KAZN: variants seen among roughly 807,000 people sequenced by gnomAD.
KAZN encodes kazrin.
KAZN carries 40 observed loss-of-function variants against 87.4 expected under a neutral mutation model. That is an observed-to-expected ratio of 0.46 (90% CI 0.36 to 0.60). The LOEUF (loss-of-function observed/expected upper bound fraction) is 0.60, where lower values mean the gene tolerates loss of function less well. Among genes scored for constraint, KAZN ranks in the 20% least tolerant of loss-of-function variants. The pLI is 0.00. For missense variants in KAZN, 898 were observed against 1,073.9 expected (o/e 0.84, Z 2.29); for synonymous variants, 466 against 458.3 (o/e 1.02, Z -0.22).
At chr1:15,091,712 A>G (rs902991903) in intron 8 of KAZN, among the ~76,000 whole-genome samples, 6 of 152,220 alleles carry the variant, frequency 3.9e-5, no homozygotes, top group Non-Finnish European at 7.3e-5. Flanking sequence ...TATTCATTGC[A>G]CATATTCCAA....
In KAZN at chr1:14,135,152, C is replaced by T. The variant is rs561846222; in HGVS notation, c.92-45283C>T. 4.6e-5 allele frequency among the ~76,000 whole-genome samples: 7 copies of T among 152,310 alleles called. No individual in the cohort carries two copies. In the South Asian group the frequency reaches 1.0e-3, roughly 23 times the overall value. On this transcript the variant is annotated intron_variant, in intron 1 of 16. Transcript: ENST00000636203. ...AACCTGATTGGTAGGATTGTATGTTCTTTGTTTTGCTGGACTGCAGTGGCA... is the reference window on the plus strand; with the variant it reads ...AACCTGATTGGTAGGATTGTATGTTTTTTGTTTTGCTGGACTGCAGTGGCA...
intron 1 of KAZN, among the ~76,000 whole-genome samples, chr1:14,899,093 T>C (rs1655574544): frequency 6.6e-6 from 1 of 152,212 alleles, no homozygotes; most frequent in East Asian, 1.9e-4. Context: ...GACTCAAGTC[T>C]ACCACCTGTG....
chr1:14,688,828 C>A (rs1641112847), intron 1 of KAZN, among the ~76,000 whole-genome samples: 1 of 152,178 alleles, frequency 6.6e-6, no homozygotes, highest in South Asian at 2.1e-4. Flanking sequence ...ATGCATAGTC[C>A]CTTTCACAGC....
At chr1:15,043,825 A>G (rs1484545829) in intron 3 of KAZN, among the ~76,000 whole-genome samples, 164 bp from the exon 4 acceptor site, 1 of 151,444 alleles carries the variant, frequency 6.6e-6, no homozygotes, top group African/African-American at 2.4e-5. Context: ...TTGTGTTTTT[A>G]GTAGAGACGG....
chr1:14,722,372 C>G (rs1174769633), intron 1 of KAZN, among the ~76,000 whole-genome samples: 1 of 152,134 alleles, frequency 6.6e-6, no homozygotes, highest in African/African-American at 2.4e-5. Flanking sequence ...ACAGCATTCT[C>G]AGGTCATTAA....
At chr1:14,496,970 A>G (rs1201977825) in intron 2 of KAZN, among the ~76,000 whole-genome samples, 2 of 152,224 alleles carry the variant, frequency 1.3e-5, no homozygotes, top group African/African-American at 4.8e-5. Flanking sequence ...TTGACAACTG[A>G]GAAATGGATC....
chr1:14,375,228 TTCAGAAAG>T (rs1268260922), intron 2 of KAZN, among the ~76,000 whole-genome samples: 1 of 152,178 alleles, frequency 6.6e-6, no homozygotes, highest in African/African-American at 2.4e-5. Context: ...TCATACACAC[TTCAGAAAG>T]AGTGCAGGAG....
chr1:13,993,808 C>T (rs891841695), intron 1 of KAZN, among the ~76,000 whole-genome samples: 1 of 152,168 alleles, frequency 6.6e-6, no homozygotes, highest in Non-Finnish European at 1.5e-5. Flanking sequence ...GGGGCCACCT[C>T]AGAGTAGTTT....
chr1:14,353,355 C>G (rs1385519835), intron 2 of KAZN, among the ~76,000 whole-genome samples: 6 of 149,832 alleles, frequency 4.0e-5, no homozygotes, highest in Admixed American at 3.3e-4. Context: ...CTCCCAATAG[C>G]TGGGACTACA....
chr1:14,435,336 A>G (rs1246697146), intron 2 of KAZN, among the ~76,000 whole-genome samples: 1 of 152,180 alleles, frequency 6.6e-6, no homozygotes, highest in Non-Finnish European at 1.5e-5. Context: ...AATACCCAAG[A>G]GCTCTCCTTC....
intron 2 of KAZN, among the ~76,000 whole-genome samples, chr1:14,589,689 C>A (rs571102969): frequency 7.2e-5 from 11 of 152,328 alleles, no homozygotes; most frequent in African/African-American, 2.6e-4. Context: ...AGATCTGAGA[C>A]CCCTTTGCAA....
At chr1:14,349,897 G>A (rs1473375189) in intron 2 of KAZN, among the ~76,000 whole-genome samples, 1 of 152,096 alleles carries the variant, frequency 6.6e-6, no homozygotes, top group Non-Finnish European at 1.5e-5. Flanking sequence ...AGCACTTTGG[G>A]AGGCGGAGGA....
At chr1:14,595,766 C>A (rs1676474091), upstream of KAZN, among the ~76,000 whole-genome samples, 1 of 151,540 alleles carries the variant, frequency 6.6e-6, no homozygotes, top group Non-Finnish European at 1.5e-5. Context: ...CCCGCAGAGG[C>A]TAATTGATTG....
At chr1:14,557,099 C>G (rs886986983) in intron 2 of KAZN, among the ~76,000 whole-genome samples, 1 of 151,850 alleles carries the variant, frequency 6.6e-6, no homozygotes, top group African/African-American at 2.4e-5. Context: ...CGAAATCTGC[C>G]CTAGGACCAA....
At chr1:13,925,787 G>C (rs148479669) in intron 1 of KAZN, among the ~76,000 whole-genome samples, 186 of 152,364 alleles carry the variant, frequency 1.2e-3, no homozygotes, top group African/African-American at 4.0e-3. Context: ...CAGAGGCAGA[G>C]AGTCCAGGTT....
At chr1:14,049,864 G>T (rs1642236711) in intron 1 of KAZN, among the ~76,000 whole-genome samples, 7 of 152,336 alleles carry the variant, frequency 4.6e-5, no homozygotes, top group Middle Eastern at 3.4e-3. Flanking sequence ...CATGGAATGA[G>T]TGTCCAGTCA....
chr1:14,387,238 C>T (rs1661994939), intron 2 of KAZN, among the ~76,000 whole-genome samples: 1 of 152,080 alleles, frequency 6.6e-6, no homozygotes, highest in Admixed American at 6.6e-5. Flanking sequence ...AAGTTTTCAA[C>T]TTCTTTGCCC....
intron 1 of KAZN, among the ~76,000 whole-genome samples, chr1:14,653,568 A>G (rs557366149): frequency 1.6e-4 from 24 of 152,234 alleles, no homozygotes; most frequent in African/African-American, 5.5e-4. Flanking sequence ...AATGTGTATA[A>G]CTCATCCCAG....
At chr1:14,314,750 T>C (rs1655538908) in intron 2 of KAZN, among the ~76,000 whole-genome samples, 1 of 152,164 alleles carries the variant, frequency 6.6e-6, no homozygotes, top group Non-Finnish European at 1.5e-5. Context: ...CACATGGTTG[T>C]GCAATCACCA....
Sources: gnomAD v4.1 joint callset for allele counts (sites outside exome capture counted in the v4.1 genomes callset) on GRCh38, gnomAD v4.1.1 for gene constraint, MANE v1.5 for transcripts, NCBI Gene and HGNC (gene_info 2026-07-23, HGNC 2026-07-21) for gene names.